TASP1: variants seen among roughly 807,000 people sequenced by gnomAD.
The protein encoded by TASP1 is threonine aspartase 1.
In TASP1, 16 loss-of-function variants were observed where a neutral mutation model predicts 56.6. The ratio of observed to expected loss-of-function variants is 0.28; its 90% CI spans 0.19 to 0.43. TASP1 has a LOEUF of 0.43. Ranked by LOEUF, TASP1 falls within the 20% of genes least tolerant of loss-of-function variation. The pLI, the probability that TASP1 is intolerant of heterozygous loss-of-function variation, is 1.00. For missense variants in TASP1, 393 were observed against 511.6 expected, an observed-to-expected ratio of 0.77 and a Z score of 2.24; for synonymous variants, 179 against 184.2, an observed-to-expected ratio of 0.97 and a Z score of 0.23.
intron 10 of TASP1, among the ~76,000 whole-genome samples, chr20:13,513,320 C>T (rs1474410342): frequency 1.3e-5 from 2 of 151,616 alleles, no homozygotes; most frequent in African/African-American, 2.4e-5. Flanking sequence ...AACAACCATA[C>T]GAGTAGTATA....
intron 10 of TASP1, among the ~76,000 whole-genome samples, chr20:13,490,277 T>A (rs1225032528): frequency 6.6e-6 from 1 of 152,172 alleles, no homozygotes; most frequent in East Asian, 1.9e-4. Flanking sequence ...TACTTCATAT[T>A]GTCTGAAAAA....
At chr20:13,130,213 A>G in the TASP1 span, among the ~76,000 whole-genome samples, 1 of 152,238 alleles carries the variant, frequency 6.6e-6, no homozygotes, top group Admixed American at 6.5e-5. Context: ...GGAATATTGC[A>G]TTAGCTCACC....
chr20:13,127,068 CA>C, the TASP1 span, among the ~76,000 whole-genome samples: 1 of 152,176 alleles, frequency 6.6e-6, no homozygotes, highest in Non-Finnish European at 1.5e-5. Flanking sequence ...TCCCTAAGAC[CA>C]AAGTAGCCAA....
At chr20:13,265,265 C>A in the TASP1 span, among the ~76,000 whole-genome samples, 1 of 152,116 alleles carries the variant, frequency 6.6e-6, no homozygotes, top group Non-Finnish European at 1.5e-5. Context: ...GTTTACAAGC[C>A]TTTTTTATTT....
At chr20:13,237,131 A>G in the TASP1 span, among the ~76,000 whole-genome samples, 40,710 of 152,132 alleles carry the variant, frequency 0.27, 5,703 homozygotes, top group African/African-American at 0.36. Context: ...GCACACATGA[A>G]GTCCCTCCCA....
intron 8 of TASP1, among the ~76,000 whole-genome samples, chr20:13,539,388 A>C (rs1456181250): frequency 6.6e-6 from 1 of 152,134 alleles, no homozygotes; most frequent in Non-Finnish European, 1.5e-5. Context: ...TGCCTCTACA[A>C]AAAATAAAAA....
chr20:13,466,174 T>G (rs1268355951), intron 11 of TASP1, among the ~76,000 whole-genome samples: 1 of 152,068 alleles, frequency 6.6e-6, no homozygotes, highest in Non-Finnish European at 1.5e-5. Flanking sequence ...GAATCTACAG[T>G]TAAGTCAAAA....
chr20:13,396,115 C>G (rs1460144810), intron 13 of TASP1, among the ~76,000 whole-genome samples: 6 of 152,122 alleles, frequency 3.9e-5, no homozygotes, highest in African/African-American at 4.8e-5. Flanking sequence ...TGCCTTGTTT[C>G]TATTGTGGGC....
Position 13,571,850 on chromosome 20 carries a change from A to G in TASP1, c.489-2264T>C, listed in dbSNP as rs181428546. On this transcript the variant is annotated intron_variant, in intron 6 of 13. Transcript: ENST00000337743. The stretch of plus-strand genomic sequence containing the variant: ...ACTCTACTCATTGTCGTGTAAAGCC[A>G]CAAACATACCAAGGAGGCTCCAGCC... 4.6e-5 allele frequency among the ~76,000 whole-genome samples: 7 copies of G among 152,294 alleles called. No homozygotes were observed. The East Asian group carries it at 1.4e-3, about 29-fold the overall frequency.
the TASP1 span, among the ~76,000 whole-genome samples, chr20:13,286,632 G>A: frequency 1.3e-5 from 2 of 152,154 alleles, no homozygotes; most frequent in African/African-American, 2.4e-5. Context: ...AGTTAGGGAG[G>A]AGGACACAAC....
At position 13,582,211 on chromosome 20, in the gene TASP1, A is replaced by G. The variant is rs138204327; in HGVS notation, c.404-1230T>C. 3.7e-3 allele frequency among the ~76,000 whole-genome samples: 556 copies of G among 152,040 alleles called. 2 individuals carry two copies. The highest frequency in any genetic ancestry group is 0.013 in the African/African-American group (523 of 41,548). Reference sequence around the variant, plus strand: ...TCTAGATGTGATGATTCAATATTGTAAAGACATTCATCTTTTCCAAGTTAA... The same window carrying G: ...TCTAGATGTGATGATTCAATATTGTGAAGACATTCATCTTTTCCAAGTTAA... On this transcript the variant is annotated intron_variant, in intron 5 of 13. Transcript: ENST00000337743.
the TASP1 span, among the ~76,000 whole-genome samples, chr20:13,304,342 T>C: frequency 0.45 from 67,986 of 151,884 alleles, 16,203 homozygotes; most frequent in Admixed American, 0.54. Context: ...CTGGGTGGAA[T>C]CAAAGTGGGC....
At chr20:13,561,497 C>T (rs1028385761) in intron 7 of TASP1, among the ~76,000 whole-genome samples, 5 of 152,068 alleles carry the variant, frequency 3.3e-5, no homozygotes, top group African/African-American at 1.2e-4. Flanking sequence ...TCCCAAGTAG[C>T]GGGGATTACA....
the TASP1 span, among the ~76,000 whole-genome samples, chr20:13,231,262 G>A: frequency 6.6e-6 from 1 of 152,222 alleles, no homozygotes; most frequent in Non-Finnish European, 1.5e-5. Flanking sequence ...CAGCGAGGAA[G>A]TCTGTTAGCC....
Position 13,496,117 on chromosome 20 carries a change from G to A in TASP1, c.875-12780C>T, listed in dbSNP as rs528909841. On this transcript the variant is annotated intron_variant, in intron 10 of 13. Coordinates refer to ENST00000337743, the MANE Select transcript of TASP1 (RefSeq NM_017714.3). ...CACCCAGGCTGGAGTGCCCTAGTGCGATCTCAGCTCACTGCAACCTCTGCT... is the reference window on the plus strand; with the variant it reads ...CACCCAGGCTGGAGTGCCCTAGTGCAATCTCAGCTCACTGCAACCTCTGCT... Among the ~76,000 whole-genome samples, 61 of 152,066 alleles carry A rather than the reference G, an allele frequency of 4.0e-4. No individual in the cohort carries two copies. In the East Asian group the frequency reaches 0.01, roughly 26 times the overall value.
Position 13,390,246 on chromosome 20 carries a change from G to T in TASP1, c.*114C>A. On this transcript the variant is annotated 3_prime_UTR_variant, in exon 14 of 14. Coordinates refer to ENST00000337743, the MANE Select transcript of TASP1 (RefSeq NM_017714.3). ...CACTTGTGTCTCGAGCAGTGCACGA[G>T]GTTGCAATAGGAATTATAAAACAAG... is the stretch of plus-strand genomic sequence containing the variant. The T allele has an allele frequency of 1.1e-6, 1 of 936,294 alleles. No homozygotes were observed. The highest frequency in any genetic ancestry group is 1.6e-6 in the Non-Finnish European group (1 of 612,726). 58.0% of individuals were successfully genotyped at this position (936,294 alleles called of 1,614,324 possible). A position where few individuals can be genotyped will look rare whatever the true frequency, so the allele number is the denominator to read the frequency against.
chr20:13,575,987 G>A (rs557589943), intron 6 of TASP1, among the ~76,000 whole-genome samples: 387 of 152,070 alleles, frequency 2.5e-3, no homozygotes, highest in Admixed American at 3.7e-3. Flanking sequence ...TGAGGTGGGC[G>A]GATCACCTGT....
At chr20:13,199,600 T>A in the TASP1 span, among the ~76,000 whole-genome samples, 1 of 152,208 alleles carries the variant, frequency 6.6e-6, no homozygotes, top group African/African-American at 2.4e-5. Context: ...CAAGAGAGAT[T>A]CCCAGGAATG....
At chr20:13,198,147 GA>G in the TASP1 span, among the ~76,000 whole-genome samples, 1 of 152,162 alleles carries the variant, frequency 6.6e-6, no homozygotes, top group South Asian at 2.1e-4. Context: ...GGAATATCTA[GA>G]TTTTTTTTAT....
Sources: gnomAD v4.1 joint callset for allele counts (sites outside exome capture counted in the v4.1 genomes callset) on GRCh38, gnomAD v4.1.1 for gene constraint, MANE v1.5 for transcripts, NCBI Gene and HGNC (gene_info 2026-07-23, HGNC 2026-07-21) for gene names.